MAPKAP1: variants seen among roughly 807,000 people sequenced by gnomAD.
The protein encoded by MAPKAP1 is target of rapamycin complex 2 subunit MAPKAP1.
A neutral mutation model predicts 65.7 loss-of-function variants in MAPKAP1; 20 were observed. The ratio of observed to expected loss-of-function variants is 0.30; its 90% CI spans 0.21 to 0.44. The LOEUF (loss-of-function observed/expected upper bound fraction) is 0.44, where lower values mean the gene tolerates loss of function less well. Among genes scored for constraint, MAPKAP1 ranks in the 20% least tolerant of loss-of-function variants. The probability of loss-of-function intolerance (pLI) is 1.00; values close to 1 mark genes in which losing one functional copy is unlikely to be tolerated. For missense variants in MAPKAP1, 423 were observed against 648.0 expected (o/e 0.65, Z 3.77); for synonymous variants, 222 against 244.3 (o/e 0.91, Z 0.85).
At chr9:125,472,208 G>A (rs1853949924) in intron 9 of MAPKAP1, among the ~76,000 whole-genome samples, 1 of 152,206 alleles carries the variant, frequency 6.6e-6, no homozygotes, top group South Asian at 2.1e-4. Context: ...GAGAGGGGAA[G>A]GTGCTTGCCT....
intron 3 of MAPKAP1, among the ~76,000 whole-genome samples, 173 bp from the exon 4 acceptor site, chr9:125,657,972 A>C (rs932883481): frequency 1.2e-4 from 18 of 152,230 alleles, no homozygotes; most frequent in African/African-American, 4.1e-4. Flanking sequence ...CAGAGCACGG[A>C]AGAACGTGCA....
chr9:125,682,462 C>T (rs1222996329), intron 1 of MAPKAP1, among the ~76,000 whole-genome samples: 1 of 152,188 alleles, frequency 6.6e-6, no homozygotes, highest in Non-Finnish European at 1.5e-5. Context: ...TGTTTATGTG[C>T]TAGCAATAGC....
At chr9:125,468,821 T>C (rs746767909) in intron 9 of MAPKAP1, among the ~76,000 whole-genome samples, 1 of 152,186 alleles carries the variant, frequency 6.6e-6, no homozygotes, top group Non-Finnish European at 1.5e-5. Context: ...ATCCAGAATG[T>C]TCAATACTGG....
chr9:125,438,709 C>T lies in MAPKAP1; in HGVS notation c.*178G>A, dbSNP rs1447400011. The T allele has an allele frequency of 7.3e-6, 5 of 683,368 alleles. No individual in the cohort carries two copies. Among genetic ancestry groups the T allele is most frequent in the Non-Finnish European group, 1.2e-5 (5 of 408,138 alleles). The allele number at this position is 683,368 out of a possible 1,614,324, so 42.3% of individuals were successfully genotyped here. ...CAGACTTCCGTCCCATGGCAATGTC[C>T]CCAGCGCTCCCTCCTAGGGGGCCCC... On this transcript the variant is annotated 3_prime_UTR_variant, in exon 12 of 12. Transcript: ENST00000265960.
rs925967025 is a variant in MAPKAP1 at position 125,542,868 on chromosome 9, C to T, written c.958+191G>A. On this transcript the variant is annotated intron_variant, in intron 7 of 11. Transcript: ENST00000265960. ...ATGAATACATTCTTCTCACATATGCCGCTGACCCAGTCCCTTTCTGAGGCC... is the reference window on the plus strand; with the variant it reads ...ATGAATACATTCTTCTCACATATGCTGCTGACCCAGTCCCTTTCTGAGGCC... The T allele has an allele frequency of 3.1e-5, 23 of 741,274 alleles. 1 individual carries two copies. Among genetic ancestry groups the T allele is most frequent in the South Asian group, 2.7e-4 (20 of 73,512 alleles). The allele number at this position is 741,274 out of a possible 1,614,324, so 45.9% of individuals were successfully genotyped here. A position where few individuals can be genotyped will look rare whatever the true frequency, so the allele number is the denominator to read the frequency against.
intron 4 of MAPKAP1, among the ~76,000 whole-genome samples, chr9:125,633,703 T>C (rs1833350869): frequency 6.6e-6 from 1 of 152,204 alleles, no homozygotes; most frequent in Non-Finnish European, 1.5e-5. Flanking sequence ...TCATATAGAA[T>C]ATGAATAACA....
intron 1 of MAPKAP1, among the ~76,000 whole-genome samples, chr9:125,706,637 G>C (rs1201657218): frequency 1.3e-5 from 2 of 152,062 alleles, no homozygotes; most frequent in Non-Finnish European, 2.9e-5. Flanking sequence ...CACAGTCAAT[G>C]CTTGAAAACC....
At chr9:125,448,109 C>G (rs995750007) in intron 10 of MAPKAP1, among the ~76,000 whole-genome samples, 1 of 152,056 alleles carries the variant, frequency 6.6e-6, no homozygotes, top group African/African-American at 2.4e-5. Flanking sequence ...TTCCCTGGAG[C>G]CTGGAGGCGA....
intron 4 of MAPKAP1, among the ~76,000 whole-genome samples, chr9:125,649,263 T>C (rs1439759228): frequency 2.6e-5 from 4 of 152,184 alleles, no homozygotes; most frequent in African/African-American, 4.8e-5. Flanking sequence ...AACCTGGTAA[T>C]TAGTCAGGTA....
chr9:125,659,963 A>G (rs752681415), intron 3 of MAPKAP1, among the ~76,000 whole-genome samples: 12 of 152,108 alleles, frequency 7.9e-5, no homozygotes, highest in Non-Finnish European at 1.3e-4. Context: ...ATCTTACAAG[A>G]TGTCTTGGCA....
chr9:125,561,278 C>A (rs751311713), intron 5 of MAPKAP1, among the ~76,000 whole-genome samples: 1 of 152,148 alleles, frequency 6.6e-6, no homozygotes, highest in Non-Finnish European at 1.5e-5. Context: ...TCTTTAGCTG[C>A]AACTCTGCTT....
Position 125,447,494 on chromosome 9 carries a change from G to C in MAPKAP1, c.1346-2896C>G. On this transcript the variant is annotated intron_variant, in intron 10 of 11. Transcript: ENST00000265960. This position sits in a 1 kb window ranked among gnomAD's most constrained non-coding sequence, Gnocchi z 4.5. ...AGGAGTGATGAGCGGAACCCTGGGG[G>C]GCAAGGGCAGGTTAAGATCAGCAGC... 2.2e-6 allele frequency: 1 copy of C among 456,540 alleles called. No homozygotes were observed. The highest frequency in any genetic ancestry group is 1.5e-5 in the South Asian group (1 of 64,568). 28.3% of individuals were successfully genotyped at this position (456,540 alleles called of 1,614,324 possible).
intron 1 of MAPKAP1, among the ~76,000 whole-genome samples, chr9:125,701,791 AT>A (rs1468385600): frequency 2.0e-5 from 3 of 152,244 alleles, no homozygotes; most frequent in Non-Finnish European, 2.9e-5. Context: ...AGAGCACAAA[AT>A]AGAAGTGTTA....
intron 4 of MAPKAP1, among the ~76,000 whole-genome samples, chr9:125,656,187 C>T (rs1217518268): frequency 1.3e-5 from 2 of 152,120 alleles, no homozygotes; most frequent in Non-Finnish European, 2.9e-5. Flanking sequence ...TACCCTAATC[C>T]CAAGAATAAC....
chr9:125,519,518 G>C (rs536217266), intron 7 of MAPKAP1, among the ~76,000 whole-genome samples: 1 of 151,740 alleles, frequency 6.6e-6, no homozygotes, highest in African/African-American at 2.4e-5. Flanking sequence ...TGTCTTAGCT[G>C]CTTGGAAGGC....
chr9:125,570,541 A>T (rs377436703), intron 5 of MAPKAP1, among the ~76,000 whole-genome samples: 3 of 152,246 alleles, frequency 2.0e-5, no homozygotes, highest in East Asian at 1.9e-4. Context: ...CTAGTGTAGA[A>T]TTAAAATCTC....
At chr9:125,516,545 G>T (rs1162536638) in intron 7 of MAPKAP1, among the ~76,000 whole-genome samples, 6 of 152,302 alleles carry the variant, frequency 3.9e-5, no homozygotes, top group Admixed American at 2.0e-4. Flanking sequence ...AAGGCCACAG[G>T]CTCTCAATAT....
Position 125,707,183 on chromosome 9 carries a change from C to T in MAPKAP1, c.-282G>A, listed in dbSNP as rs185236976. On this transcript the variant is annotated 5_prime_UTR_variant, in exon 1 of 12. Transcript: ENST00000265960. ...CCGCCGCCGGCCGGCCGAGCAGCAG[C>T]CCTATTACCCCGAGCCGCACACGAC... 844 of 398,172 alleles carry T rather than the reference C, an allele frequency of 2.1e-3. 2 individuals carry two copies. The highest frequency in any genetic ancestry group is 2.9e-3 in the Non-Finnish European group (662 of 225,740). 24.7% of individuals were successfully genotyped at this position (398,172 alleles called of 1,614,324 possible). A position where few individuals can be genotyped will look rare whatever the true frequency, so the allele number is the denominator to read the frequency against.
chr9:125,550,362 A>G (rs1830550239), intron 6 of MAPKAP1, among the ~76,000 whole-genome samples: 1 of 152,230 alleles, frequency 6.6e-6, no homozygotes, highest in Non-Finnish European at 1.5e-5. Flanking sequence ...AAACATGGCC[A>G]AAGGGGGAAG....
Sources: allele counts gnomAD v4.1 joint callset (sites outside exome capture counted in the v4.1 genomes callset), GRCh38; gene constraint gnomAD v4.1.1; non-coding constraint Gnocchi (gnomAD v3.1); transcripts MANE v1.5; gene names NCBI Gene and HGNC (gene_info 2026-07-23, HGNC 2026-07-21).